NLGN1: variants seen among roughly 807,000 people sequenced by gnomAD.
NLGN1 encodes the protein neuroligin-1.
A neutral mutation model predicts 65.5 loss-of-function variants in NLGN1; 12 were observed. The observed-to-expected ratio is 0.18, with a 90% CI of 0.12 to 0.30. The LOEUF (loss-of-function observed/expected upper bound fraction) is 0.30, where lower values mean the gene tolerates loss of function less well. Ranked by LOEUF, NLGN1 falls within the 10% of genes least tolerant of loss-of-function variation. The probability of loss-of-function intolerance (pLI) is 1.00; values close to 1 mark genes in which losing one functional copy is unlikely to be tolerated. For missense variants in NLGN1, 750 were observed against 1,007.1 expected (o/e 0.74, Z 3.46); for synonymous variants, 350 against 359.5 (o/e 0.97, Z 0.30).
intron 2 of NLGN1, among the ~76,000 whole-genome samples, chr3:173,498,940 G>A (rs548342797): frequency 2.0e-5 from 3 of 151,536 alleles, no homozygotes; most frequent in Non-Finnish European, 4.4e-5. Context: ...GTTCATTGTA[G>A]ATTCTGGATA....
chr3:174,020,281 T>A (rs944576413), intron 4 of NLGN1, among the ~76,000 whole-genome samples: 1 of 152,098 alleles, frequency 6.6e-6, no homozygotes, highest in Non-Finnish European at 1.5e-5. Context: ...ATGACATAAT[T>A]CTTTGTCAAA....
At chr3:174,004,689 A>G (rs1004398864) in intron 4 of NLGN1, among the ~76,000 whole-genome samples, 2 of 152,170 alleles carry the variant, frequency 1.3e-5, no homozygotes, top group Admixed American at 6.6e-5. Context: ...GCAATTGGAA[A>G]AACAATATTT....
At chr3:173,981,376 A>T (rs1247374532) in intron 4 of NLGN1, among the ~76,000 whole-genome samples, 2 of 152,214 alleles carry the variant, frequency 1.3e-5, no homozygotes, top group Admixed American at 6.6e-5. Flanking sequence ...CATAAAACAC[A>T]GAATGGTAAA....
At chr3:173,810,142 G>A (rs1717566524) in intron 4 of NLGN1, among the ~76,000 whole-genome samples, 1 of 152,110 alleles carries the variant, frequency 6.6e-6, no homozygotes, top group Admixed American at 6.5e-5. Context: ...AATATGTGTT[G>A]GGTATTGTGA....
intron 4 of NLGN1, among the ~76,000 whole-genome samples, chr3:173,877,310 TTAGA>T (rs1394538565): frequency 6.6e-6 from 1 of 152,026 alleles, no homozygotes; most frequent in Non-Finnish European, 1.5e-5. Flanking sequence ...TGAGAAAACA[TTAGA>T]TAGACCAAAT....
chr3:173,472,090 A>G (rs1034202969), intron 2 of NLGN1, among the ~76,000 whole-genome samples: 5 of 152,148 alleles, frequency 3.3e-5, no homozygotes, highest in African/African-American at 9.6e-5. Context: ...GGAACATTCA[A>G]TCCTTCCCTT....
intron 3 of NLGN1, among the ~76,000 whole-genome samples, chr3:173,629,274 A>G (rs543988659): frequency 7.3e-5 from 11 of 151,722 alleles, no homozygotes; most frequent in Admixed American, 2.6e-4. Flanking sequence ...GGCAAACACC[A>G]TCTCTAATTT....
At chr3:174,242,371 C>T (rs559606577) in intron 4 of NLGN1, among the ~76,000 whole-genome samples, 1 of 123,618 alleles carries the variant, frequency 8.1e-6, no homozygotes, top group African/African-American at 3.6e-5. Context: ...CCAGCCTGGG[C>T]GACAGAGTGA....
chr3:174,092,258 A>G (rs763123457), intron 4 of NLGN1, among the ~76,000 whole-genome samples: 5 of 152,168 alleles, frequency 3.3e-5, no homozygotes, highest in Non-Finnish European at 5.9e-5. Context: ...CACATAAGCT[A>G]AACCAGGGGA....
chr3:173,598,903 T>C (rs1480678568), intron 2 of NLGN1, among the ~76,000 whole-genome samples: 1 of 152,080 alleles, frequency 6.6e-6, no homozygotes, highest in African/African-American at 2.4e-5. Flanking sequence ...TTATTCTGTA[T>C]TGAGAAAAGG....
At chr3:173,954,136 A>T (rs1466196491) in intron 4 of NLGN1, among the ~76,000 whole-genome samples, 1 of 152,144 alleles carries the variant, frequency 6.6e-6, no homozygotes, top group Non-Finnish European at 1.5e-5. Flanking sequence ...TATCGACAAG[A>T]AAAAATGAAA....
At chr3:173,771,271 A>T (rs745610204) in intron 3 of NLGN1, among the ~76,000 whole-genome samples, 8 of 152,206 alleles carry the variant, frequency 5.3e-5, no homozygotes, top group Non-Finnish European at 1.2e-4. Flanking sequence ...TTTTGTGCAT[A>T]GTAGGTTCTT....
In NLGN1 at chr3:174,133,489, T is replaced by C. The variant is rs74387720; in HGVS notation, c.647-141826T>C. 6.9e-3 allele frequency among the ~76,000 whole-genome samples: 1,047 copies of C among 152,282 alleles called. 12 individuals are homozygous for C. Among genetic ancestry groups the C allele is most frequent in the African/African-American group, 0.024 (985 of 41,560 alleles). ...CCTGGGTTACCAGCCAGTCAATCTT[T>C]GGAGGTATTTTGTTCTTTAAATCAG... is the stretch of plus-strand genomic sequence containing the variant. On this transcript the variant is annotated intron_variant, in intron 4 of 6. Coordinates refer to ENST00000457714, the Ensembl canonical transcript of NLGN1.
chr3:173,690,875 T>G (rs1236809582), intron 3 of NLGN1, among the ~76,000 whole-genome samples: 1 of 152,064 alleles, frequency 6.6e-6, no homozygotes, highest in Admixed American at 6.6e-5. Context: ...CAGAAAGACT[T>G]GAGTTTAAAC....
At chr3:173,930,376 A>G (rs911453286) in intron 4 of NLGN1, among the ~76,000 whole-genome samples, 8 of 152,194 alleles carry the variant, frequency 5.3e-5, no homozygotes, top group African/African-American at 1.4e-4. Context: ...AGCAACATCA[A>G]TTTGTATGGC....
At chr3:173,426,315 CT>C (rs530438140) in intron 1 of NLGN1, among the ~76,000 whole-genome samples, 2 of 151,634 alleles carry the variant, frequency 1.3e-5, no homozygotes, top group Admixed American at 1.3e-4. Context: ...ATTTGCATGC[CT>C]TTTTTTTCCT....
At chr3:174,238,528 A>G (rs1421622582) in intron 4 of NLGN1, among the ~76,000 whole-genome samples, 1 of 151,888 alleles carries the variant, frequency 6.6e-6, no homozygotes, top group African/African-American at 2.4e-5. Flanking sequence ...ATGCCCAGCT[A>G]CTTTTTGTAT....
At chr3:174,006,768 T>G (rs1724505232) in intron 4 of NLGN1, among the ~76,000 whole-genome samples, 1 of 152,018 alleles carries the variant, frequency 6.6e-6, no homozygotes, top group Admixed American at 6.6e-5. Context: ...ACTGCATTCT[T>G]ATAAGAAGAG....
rs555120575 is a variant in NLGN1 at position 174,267,435 on chromosome 3, A to G, written c.647-7880A>G. ...GAGATTGGGAGGAAACAGATATCCA[A>G]ACTATACTAACATCCTGGTTATCCT... On this transcript the variant is annotated intron_variant, in intron 4 of 6. Coordinates refer to ENST00000457714, the Ensembl canonical transcript of NLGN1. Among the ~76,000 whole-genome samples, 24 of 152,270 alleles carry G rather than the reference A, an allele frequency of 1.6e-4. No homozygotes were observed. The South Asian group carries it at 4.8e-3, about 30-fold the overall frequency.
Sources: allele counts gnomAD v4.1 joint callset (sites outside exome capture counted in the v4.1 genomes callset), GRCh38; gene constraint gnomAD v4.1.1; transcripts MANE v1.5; gene names NCBI Gene and HGNC (gene_info 2026-07-23, HGNC 2026-07-21).